The following TTN variants were observed in gnomAD, a reference collection of about 807,000 sequenced individuals.
TTN encodes the protein connectin.
Under a neutral mutation model 3,223.0 loss-of-function variants are expected in TTN, and 1,525 were observed. The observed-to-expected ratio is 0.47, with a 90% CI of 0.45 to 0.49. The LOEUF is 0.49. TTN is among the 20% of genes least tolerant of loss of function. The probability of loss-of-function intolerance (pLI) is 0.00; values close to 1 mark genes in which losing one functional copy is unlikely to be tolerated. For missense variants in TTN, 40,786 were observed against 43,424.0 expected (o/e 0.94, Z 5.40); for synonymous variants, 14,094 against 15,161.0 (o/e 0.93, Z 5.17).
intron 61 of TTN, 58 bp downstream of exon 61, chr2:178,730,447 A>T (rs2080243116): frequency 5.8e-6 from 9 of 1,554,606 alleles, no homozygotes; most frequent in Non-Finnish European, 6.1e-6. Flanking sequence ...GTGAAAATTT[A>T]GAAATGAAAC....
chr2:178,539,062 G>C lies in TTN; in HGVS notation c.98873C>G (p.Thr32958Ser), dbSNP rs1441902743. 6.2e-7 allele frequency: 1 copy of C among 1,613,790 alleles called. No individual in the cohort carries two copies. Among genetic ancestry groups the C allele is most frequent in the East Asian group, 2.2e-5 (1 of 44,868 alleles). Residue 32958 changes from threonine to serine, a missense_variant, in exon 353 of 363, where the codon ACT (threonine) becomes AGT (serine). Transcript: ENST00000589042. ...AGCATCGGGAACAAGCCCTGTGACAGTGTACATTGTGGTGGTGATCTGAGT... is the reference window on the plus strand; with the variant it reads ...AGCATCGGGAACAAGCCCTGTGACACTGTACATTGTGGTGGTGATCTGAGT... ...NKTQITTTMY[T>S]VTGLVPDAEY...
In TTN at chr2:178,654,445, C is replaced by T; in HGVS notation, c.38296G>A (p.Val12766Ile). The part of the protein sequence containing the change: ...AKKPEAPPPK[V>I]PEAPKEVVLE... ...ACTGACAATGTGTAATGATACCTACCTTTAGGAGGTGGAGCTTCTGGCTTT... is the reference window on the plus strand; with the variant it reads ...ACTGACAATGTGTAATGATACCTACTTTTAGGAGGTGGAGCTTCTGGCTTT... Residue 12766 changes from valine to isoleucine, a missense_variant and splice_region_variant, in exon 192 of 363, where the codon GTT becomes ATT. Transcript: ENST00000589042. 7.4e-7 allele frequency: 1 copy of T among 1,355,284 alleles called. No homozygotes were observed. Among genetic ancestry groups the T allele is most frequent in the Non-Finnish European group, 1.0e-6 (1 of 999,654 alleles). The allele number at this position is 1,355,284 out of a possible 1,614,324, so 84.0% of individuals were successfully genotyped here.
Position 178,688,658 on chromosome 2 carries a change from C to T in TTN, c.32197+19G>A. The T allele has an allele frequency of 1.3e-6, 2 of 1,565,584 alleles. No individual in the cohort carries two copies. Among genetic ancestry groups the T allele is most frequent in the Non-Finnish European group, 1.8e-6 (2 of 1,135,888 alleles). On this transcript the variant is annotated intron_variant, in intron 126 of 362. Coordinates refer to ENST00000589042, the MANE Select transcript of TTN (RefSeq NM_001267550.2). Reference sequence around the variant, plus strand: ...AAACACACACAAACTCATTTATCCCCTGACTTCCGATTATATACCTTCGTG... The same window carrying T: ...AAACACACACAAACTCATTTATCCCTTGACTTCCGATTATATACCTTCGTG...
In TTN at chr2:178,618,249, T is replaced by G. The variant is rs376440087; in HGVS notation, c.47209A>C (p.Arg15737=). ...TCTACTGGCTCACCAGTGCCAACTC[T>G]GTTTCTTGCACTCACACGGAATAGG... is the stretch of plus-strand genomic sequence containing the variant. ...EYLFRVSARN[R]VGTGEPVETD... Residue 15737 remains arginine, a synonymous_variant, in exon 252 of 363, where the codon AGA becomes CGA. Coordinates refer to ENST00000589042, the MANE Select transcript of TTN (RefSeq NM_001267550.2). 1.9e-6 allele frequency: 3 copies of G among 1,612,896 alleles called. No individual in the cohort carries two copies. The highest frequency in any genetic ancestry group is 2.5e-6 in the Non-Finnish European group (3 of 1,179,196).
At chr2:178,745,896 C>A in intron 47 of TTN, 1 of 1,612,060 alleles carries the variant, frequency 6.2e-7, no homozygotes, top group Non-Finnish European at 8.5e-7. Context: ...AAAAAACTGT[C>A]TGTGTAGTTG....
Position 178,733,897 on chromosome 2 carries a change from T to C in TTN, c.15497-5A>G. The stretch of plus-strand genomic sequence containing the variant: ...TCTTTACAAAGGTTGGAGGTTCTAG[T>C]TAAGGAAAGAGAGCATATAAAACAT... On this transcript the variant is annotated splice_region_variant and splice_polypyrimidine_tract_variant and intron_variant, in intron 52 of 362. Coordinates refer to ENST00000589042, the MANE Select transcript of TTN (RefSeq NM_001267550.2). 1.3e-6 allele frequency: 2 copies of C among 1,582,286 alleles called. No homozygotes were observed. The highest frequency in any genetic ancestry group is 1.7e-6 in the Non-Finnish European group (2 of 1,162,096).
chr2:178,533,100 T>C lies in TTN; in HGVS notation c.103515A>G (p.Glu34505=). 1.2e-6 allele frequency: 2 copies of C among 1,613,986 alleles called. No individual in the cohort carries two copies. The highest frequency in any genetic ancestry group is 1.7e-6 in the Non-Finnish European group (2 of 1,179,864). ...LTQVAKEALR[E]AAVLYKPAVS... ...CAGCCGGTTTATAAAGGACAGCAGC[T>C]TCTCTCAGAGCCTCTTTAGCTACCT... The change falls in exon 358 of 363, where the codon GAA becomes GAG. Residue 34505 remains glutamate (E), a synonymous_variant. Coordinates refer to ENST00000589042, the MANE Select transcript of TTN (RefSeq NM_001267550.2).
In TTN at chr2:178,651,467, G is replaced by T; in HGVS notation, c.39533C>A (p.Ala13178Asp). 1 of 1,611,280 alleles carries T rather than the reference G, an allele frequency of 6.2e-7. No individual in the cohort carries two copies. Among genetic ancestry groups the T allele is most frequent in the South Asian group, 1.1e-5 (1 of 90,598 alleles). Residue 13178 changes from alanine (A) to aspartate (D), a missense_variant, in exon 207 of 363, where the codon GCC becomes GAC. Coordinates refer to ENST00000589042, the MANE Select transcript of TTN (RefSeq NM_001267550.2). ...VPLVVPKKPE[A>D]PPAKVPEVPK... ...GCCACATATACCTTTAGCAGGTGGG[G>T]CTTCTGGCTTTTTGGGAACCACCAG...
chr2:178,692,175 A>C, intron 120 of TTN, 76 bp from the exon 121 acceptor site: 1 of 1,339,326 alleles, frequency 7.5e-7, no homozygotes. Flanking sequence ...ACATTAAAGC[A>C]TAAATCTTCA....
rs375551584 is a variant in TTN, at chr2:178,664,534, G to A, written c.36206C>T (p.Pro12069Leu). The A allele has an allele frequency of 2.0e-5, 33 of 1,610,920 alleles. No individual in the cohort carries two copies. The highest frequency in any genetic ancestry group is 4.5e-5 in the East Asian group (2 of 44,858). Residue 12069 changes from proline (P) to leucine (L), a missense_variant, in exon 168 of 363, where the codon CCG becomes CTG. Pro to Leu is a moderately conservative substitution (Grantham distance 98). Coordinates refer to ENST00000589042, the MANE Select transcript of TTN (RefSeq NM_001267550.2). Reference sequence around the variant, plus strand: ...CGGGACAACTTCTCTGAGAGCCTCCGGCACTTTGAAGATATTAATAATTTT... The same window carrying A: ...CGGGACAACTTCTCTGAGAGCCTCCAGCACTTTGAAGATATTAATAATTTT... The part of the protein sequence containing the change: ...RKPEVLPDEV[P>L]EALREVVPEK...
Position 178,678,463 on chromosome 2 carries a change from C to T in TTN, c.33861G>A (p.Lys11287=), listed in dbSNP as rs774614159. 6.3e-7 allele frequency: 1 copy of T among 1,595,968 alleles called. No homozygotes were observed. Among genetic ancestry groups the T allele is most frequent in the Non-Finnish European group, 8.5e-7 (1 of 1,171,624 alleles). The change falls in exon 144 of 363, where the codon AAG becomes AAA. Residue 11287 remains lysine, a synonymous_variant. Coordinates refer to ENST00000589042, the MANE Select transcript of TTN (RefSeq NM_001267550.2). ...TCTTAGGAGCAGGAACTGGCACCTT[C>T]TTCTCAGGCACAGGCTTCTTGGGTA... ...PEVPKKPVPE[K]KVPVPAPKKV...
intron 330 of TTN, 128 bp from the exon 331 acceptor site, chr2:178,555,280 A>G: frequency 1.1e-6 from 1 of 871,696 alleles, no homozygotes; most frequent in South Asian, 2.0e-5. Context: ...TTATAATTCT[A>G]TGCAATTATT....
chr2:178,582,071 C>G lies in TTN; in HGVS notation c.66298G>C (p.Val22100Leu). Residue 22100 changes from valine to leucine, a missense_variant, in exon 315 of 363, where the codon GTT becomes CTT. Transcript: ENST00000589042. ...YLLEKRETQA[V>L]NWTKVNRKPI... Reference sequence around the variant, plus strand: ...TTTCTGTTGACCTTAGTCCAGTTAACAGCCTGGGTTTCCCGCTTTTCAAGC... The same window carrying G: ...TTTCTGTTGACCTTAGTCCAGTTAAGAGCCTGGGTTTCCCGCTTTTCAAGC... 6.2e-7 allele frequency: 1 copy of G among 1,613,298 alleles called. No individual in the cohort carries two copies. Among genetic ancestry groups the G allele is most frequent in the Non-Finnish European group, 8.5e-7 (1 of 1,179,494 alleles).
In TTN at chr2:178,730,585, C is replaced by T; in HGVS notation, c.17948G>A (p.Gly5983Asp). The change falls in exon 61 of 363, where the codon GGT becomes GAT. Residue 5983 changes from glycine to aspartate, a missense_variant. By Grantham distance (94) the Gly-to-Asp change is moderately conservative. Coordinates refer to ENST00000589042, the MANE Select transcript of TTN (RefSeq NM_001267550.2). Reference protein sequence around the residue: ...TAFLEISQLEGTDSGTYTCSA... With the variant: ...TAFLEISQLEDTDSGTYTCSA... ...ACAAGTGTATGTCCCACTGTCTGTA[C>T]CTTCCAGCTGGCTGATTTCCAAGAA... 1.2e-6 allele frequency: 2 copies of T among 1,613,622 alleles called. No individual in the cohort carries two copies. The highest frequency in any genetic ancestry group is 1.7e-6 in the Non-Finnish European group (2 of 1,179,652).
Position 178,584,971 on chromosome 2 carries a change from A to G in TTN, c.64673-3T>C, listed in dbSNP as rs756336704. On this transcript the variant is annotated splice_polypyrimidine_tract_variant and splice_region_variant and intron_variant, in intron 309 of 362. Transcript: ENST00000589042. The stretch of plus-strand genomic sequence containing the variant: ...AGGCTGAGGGGGGCCGGGGGCATCT[A>G]CATGAACCAAGAGGAAAGAAATGTA... 2 of 1,612,430 alleles carry G rather than the reference A, an allele frequency of 1.2e-6. No individual in the cohort carries two copies. Among genetic ancestry groups the G allele is most frequent in the South Asian group, 2.2e-5 (2 of 90,788 alleles).
chr2:178,711,990 T>C lies in TTN; in HGVS notation c.27840A>G (p.Glu9280=), dbSNP rs1162946272. Residue 9280 remains glutamate, a synonymous_variant, in exon 96 of 363, where the codon GAA becomes GAG. Transcript: ENST00000589042. ...ATGCAGAAACTTCTCCCACGCTGTTTTCAGCTTTGCAGATATATTCTCCAC... is the reference window on the plus strand; with the variant it reads ...ATGCAGAAACTTCTCCCACGCTGTTCTCAGCTTTGCAGATATATTCTCCAC... The part of the protein sequence containing the change: ...NDSGEYICKA[E]NSVGEVSAST... The C allele has an allele frequency of 1.2e-6, 2 of 1,611,698 alleles. No homozygotes were observed. The highest frequency in any genetic ancestry group is 1.7e-6 in the Non-Finnish European group (2 of 1,178,290).
In TTN at chr2:178,785,724, G is replaced by T; in HGVS notation, c.2389C>A (p.Leu797Ile). 6.2e-7 allele frequency: 1 copy of T among 1,614,134 alleles called. No homozygotes were observed. Among genetic ancestry groups the T allele is most frequent in the Non-Finnish European group, 8.5e-7 (1 of 1,180,006 alleles). Residue 797 changes from leucine to isoleucine, a missense_variant, in exon 15 of 363, where the codon CTA becomes ATA. Leu to Ile is a conservative substitution (Grantham distance 5). Coordinates refer to ENST00000589042, the MANE Select transcript of TTN (RefSeq NM_001267550.2). Reference sequence around the variant, plus strand: ...ACATGGACTAATCTTTCCGTTGTTAGATCTGTAGTTTTCTTGATCTGCATT... The same window carrying T: ...ACATGGACTAATCTTTCCGTTGTTATATCTGTAGTTTTCTTGATCTGCATT... ...ISSQIKKTTD[L>I]TTERLVHVDK...
chr2:178,767,728 T>C (rs780321233), intron 40 of TTN, 31 bp downstream of exon 40: 1 of 1,612,136 alleles, frequency 6.2e-7, no homozygotes, highest in East Asian at 2.2e-5. Flanking sequence ...CTACTGATGA[T>C]TTTTCAAAAC....
Position 178,632,946 on chromosome 2 carries a change from G to C in TTN, c.43185C>G (p.Ala14395=). The C allele has an allele frequency of 6.2e-7, 1 of 1,613,010 alleles. No homozygotes were observed. The highest frequency in any genetic ancestry group is 8.5e-7 in the Non-Finnish European group (1 of 1,179,384). ...TCACTTTCAGATTGGCTGCAGATTTGGCATTAGCAGCCTGGAAGGAAACCT... is the reference window on the plus strand; with the variant it reads ...TCACTTTCAGATTGGCTGCAGATTTCGCATTAGCAGCCTGGAAGGAAACCT... ...TGEVSFQAAN[A]KSAANLKVKE... is the part of the protein sequence containing the mutation. The change falls in exon 234 of 363, where the codon GCC becomes GCG. Residue 14395 remains alanine, a synonymous_variant. Transcript: ENST00000589042.
Sources: allele counts gnomAD v4.1 joint callset, GRCh38; gene constraint gnomAD v4.1.1; transcripts MANE v1.5; gene names NCBI Gene and HGNC (gene_info 2026-07-23, HGNC 2026-07-21).